ARHGAP42: variants seen among roughly 807,000 people sequenced by gnomAD.
The protein encoded by ARHGAP42 is rho GTPase-activating protein 42.
Under a neutral mutation model 125.0 loss-of-function variants are expected in ARHGAP42, and 63 were observed. The ratio of observed to expected loss-of-function variants is 0.50; its 90% confidence interval spans 0.41 to 0.62. The LOEUF (loss-of-function observed/expected upper bound fraction) is 0.62. ARHGAP42 is among the 20% of genes least tolerant of loss of function. The pLI is 0.00. For missense variants in ARHGAP42, 766 were observed against 1,024.2 expected, an observed-to-expected ratio of 0.75 and a Z score of 3.44; for synonymous variants, 339 against 351.0, an observed-to-expected ratio of 0.97 and a Z score of 0.38.
At chr11:100,705,501 T>A (rs757455592) in intron 1 of ARHGAP42, among the ~76,000 whole-genome samples, 2 of 152,208 alleles carry the variant, frequency 1.3e-5, no homozygotes, top group African/African-American at 2.4e-5. Context: ...TATCTGCATA[T>A]TTTTGGGATT....
At chr11:100,939,991 T>C (rs538171224) in intron 8 of ARHGAP42, among the ~76,000 whole-genome samples, 3 of 152,332 alleles carry the variant, frequency 2.0e-5, no homozygotes, top group African/African-American at 7.2e-5. Context: ...CCAGTCACTT[T>C]CCACTAATTA....
At chr11:100,694,006 G>C (rs1358748034) in intron 1 of ARHGAP42, among the ~76,000 whole-genome samples, 1 of 151,258 alleles carries the variant, frequency 6.6e-6, no homozygotes, top group African/African-American at 2.4e-5. Flanking sequence ...ATCTTGGCTT[G>C]CTGCAACCTC....
At chr11:100,921,727 T>TA (rs57766827) in intron 6 of ARHGAP42, 123 bp downstream of exon 6, 30,727 of 624,732 alleles carry the variant, frequency 0.049, 1,385 homozygotes, top group East Asian at 0.21. Flanking sequence ...AAAAGGGGAG[T>TA]GGGAAGGGAT....
At chr11:100,886,696 G>A (rs1329462285) in intron 4 of ARHGAP42, among the ~76,000 whole-genome samples, 3 of 152,136 alleles carry the variant, frequency 2.0e-5, no homozygotes, top group African/African-American at 7.2e-5. Context: ...CTTAAGAAAT[G>A]ACTGTTCATC....
chr11:100,860,948 G>GAA (rs1367557144), intron 4 of ARHGAP42, among the ~76,000 whole-genome samples: 1 of 152,214 alleles, frequency 6.6e-6, no homozygotes, highest in Non-Finnish European at 1.5e-5. Flanking sequence ...TTGATAAGAT[G>GAA]AACGGATGTA....
At chr11:100,888,891 A>G (rs1333125764) in intron 4 of ARHGAP42, among the ~76,000 whole-genome samples, 1 of 151,996 alleles carries the variant, frequency 6.6e-6, no homozygotes, top group Non-Finnish European at 1.5e-5. Context: ...TTCTTTGTGT[A>G]TTTTCTCATT....
At chr11:100,985,932 T>C (rs1404328314) in intron 22 of ARHGAP42, 1 of 409,750 alleles carries the variant, frequency 2.4e-6, no homozygotes, top group African/African-American at 2.1e-5. Context: ...GAGCTGTGGA[T>C]GCAAATGCTG....
chr11:100,824,564 A>T (rs959931179), intron 3 of ARHGAP42, among the ~76,000 whole-genome samples: 1 of 152,206 alleles, frequency 6.6e-6, no homozygotes, highest in Non-Finnish European at 1.5e-5. Flanking sequence ...TGTATATATG[A>T]TATATGATGA....
intron 4 of ARHGAP42, among the ~76,000 whole-genome samples, chr11:100,907,573 C>T (rs1308817884): frequency 6.6e-6 from 1 of 152,158 alleles, no homozygotes; most frequent in Non-Finnish European, 1.5e-5. Flanking sequence ...GAATCACCCA[C>T]AGGAGAGACA....
intron 1 of ARHGAP42, among the ~76,000 whole-genome samples, chr11:100,723,223 C>G (rs1469695688): frequency 6.6e-6 from 1 of 152,104 alleles, no homozygotes; most frequent in Admixed American, 6.5e-5. Flanking sequence ...GATGCCCGTC[C>G]TCTGACTTTA....
At chr11:100,799,066 T>C (rs1193624632) in intron 3 of ARHGAP42, among the ~76,000 whole-genome samples, 1 of 152,232 alleles carries the variant, frequency 6.6e-6, no homozygotes, top group East Asian at 1.9e-4. Flanking sequence ...ATAGTTGTGG[T>C]CATATGCAGG....
chr11:100,805,988 C>T (rs1863979057), intron 3 of ARHGAP42, among the ~76,000 whole-genome samples: 1 of 152,162 alleles, frequency 6.6e-6, no homozygotes, highest in East Asian at 1.9e-4. Context: ...GACTAAGAAT[C>T]CCCAACCTCC....
chr11:100,754,976 T>C (rs1280131497), intron 1 of ARHGAP42, among the ~76,000 whole-genome samples: 2 of 152,236 alleles, frequency 1.3e-5, no homozygotes, highest in African/African-American at 2.4e-5. Flanking sequence ...ATGCTTTTGG[T>C]CTCATTCATC....
intron 4 of ARHGAP42, among the ~76,000 whole-genome samples, chr11:100,911,651 G>T (rs1478707826): frequency 6.6e-6 from 1 of 152,142 alleles, no homozygotes; most frequent in Non-Finnish European, 1.5e-5. Flanking sequence ...AGATTAAAGA[G>T]TAACATCCAC....
Position 100,979,701 on chromosome 11 carries a change from A to ATT in ARHGAP42, c.2456+663_2456+664dup, listed in dbSNP as rs11435155. Among the ~76,000 whole-genome samples, 51 of 148,828 alleles carry ATT rather than the reference A, an allele frequency of 3.4e-4. No homozygotes were observed. In the South Asian group the frequency reaches 6.4e-3, roughly 19 times the overall value. On this transcript the variant is annotated intron_variant, in intron 22 of 23. Transcript: ENST00000298815. ...TTCATAAAGTCAGAGGCTTTTCATT[A>ATT]TTTTTTTTTTTTACTATCAGCTGCT...
intron 10 of ARHGAP42, among the ~76,000 whole-genome samples, chr11:100,947,218 C>T (rs10791438): frequency 0.88 from 133,960 of 151,832 alleles, 59,185 homozygotes; most frequent in East Asian, 1. Flanking sequence ...TAGGATTCTT[C>T]TTTATGAGTT....
chr11:100,821,097 C>A (rs1426963477), intron 3 of ARHGAP42, among the ~76,000 whole-genome samples: 3 of 151,886 alleles, frequency 2.0e-5, no homozygotes, highest in Non-Finnish European at 4.4e-5. Flanking sequence ...CTATTATAAA[C>A]CTGAAGCATT....
At chr11:100,880,168 A>G (rs544345438) in intron 4 of ARHGAP42, among the ~76,000 whole-genome samples, 3 of 152,318 alleles carry the variant, frequency 2.0e-5, no homozygotes, top group African/African-American at 7.2e-5. Flanking sequence ...TAAGTTCTTT[A>G]GTGGTGATTG....
intron 2 of ARHGAP42, among the ~76,000 whole-genome samples, chr11:100,784,031 C>CA (rs79661065): frequency 0.051 from 7,799 of 152,176 alleles, 262 homozygotes; most frequent in East Asian, 0.18. Context: ...GTGAGAGTAT[C>CA]AGAGCCAGAG....
Sources: gnomAD v4.1 joint callset for allele counts (sites outside exome capture counted in the v4.1 genomes callset) on GRCh38, gnomAD v4.1.1 for gene constraint, MANE v1.5 for transcripts, NCBI Gene and HGNC (gene_info 2026-07-23, HGNC 2026-07-21) for gene names.